Variants in STK32B observed in about 807,000 individuals in gnomAD.
STK32B encodes the protein serine/threonine-protein kinase 32B.
Under a neutral mutation model 52.6 loss-of-function variants are expected in STK32B, and 43 were observed. The ratio of observed to expected loss-of-function variants is 0.82; its 90% CI spans 0.64 to 1.05. STK32B has a LOEUF of 1.05. Among genes scored for constraint, STK32B ranks in the 50% least tolerant of loss-of-function variants. The pLI, the probability that STK32B is intolerant of heterozygous loss-of-function variation, is 0.00. For synonymous variants in STK32B, 238 were observed against 204.3 expected (o/e 1.17, Z -1.41); for missense variants, 621 against 534.6 (o/e 1.16, Z -1.59).
intron 3 of STK32B, among the ~76,000 whole-genome samples, chr4:5,265,215 T>C (rs1726982841): frequency 6.6e-6 from 1 of 152,220 alleles, no homozygotes; most frequent in African/African-American, 2.4e-5. Flanking sequence ...ATCTGGACAA[T>C]GGTGCAAAAC....
chr4:5,459,282 G>GGCCCC (rs1716831935), intron 8 of STK32B, among the ~76,000 whole-genome samples: 1 of 133,046 alleles, frequency 7.5e-6, no homozygotes, highest in African/African-American at 2.9e-5. Flanking sequence ...ACCCTGGTGT[G>GGCCCC]CCCCCCCCCC....
At chr4:5,371,384 C>T (rs1735231251) in intron 4 of STK32B, among the ~76,000 whole-genome samples, 1 of 152,098 alleles carries the variant, frequency 6.6e-6, no homozygotes, top group African/African-American at 2.4e-5. Flanking sequence ...GGGTTTCTTG[C>T]TAAAGTGACT....
intron 3 of STK32B, among the ~76,000 whole-genome samples, chr4:5,196,589 C>T (rs923709427): frequency 5.5e-4 from 84 of 151,750 alleles, no homozygotes; most frequent in African/African-American, 2.0e-3. Flanking sequence ...GGCATGGTGG[C>T]GCACGCCTAT....
Position 5,499,082 on chromosome 4 carries a change from G to C in STK32B, c.1244G>C (p.Ter415SerextTer80). The change falls in exon 12 of 12, where the codon TGA (stop) becomes TCA (serine). Residue 415 changes from the stop codon to serine, a stop_lost. Coordinates refer to ENST00000282908, the MANE Select transcript of STK32B (RefSeq NM_018401.3). ...THTCTRGCSS[*>S] ...ACCTGCACCCGTGGCTGCAGCAGCT[G>C]AGCCCACACTTGTTGCTGCTCAACA... 6.2e-7 allele frequency: 1 copy of C among 1,608,386 alleles called. No individual in the cohort carries two copies.
intron 3 of STK32B, among the ~76,000 whole-genome samples, chr4:5,325,991 A>C (rs1731849358): frequency 6.6e-6 from 1 of 152,188 alleles, no homozygotes; most frequent in Non-Finnish European, 1.5e-5. Flanking sequence ...AAGAATGTGG[A>C]TCTGCAGCAA....
chr4:5,413,268 G>C (rs773790055), intron 5 of STK32B, among the ~76,000 whole-genome samples: 12 of 152,232 alleles, frequency 7.9e-5, no homozygotes, highest in Non-Finnish European at 1.5e-4. Flanking sequence ...TGCATCAGTT[G>C]GGATACTAGC....
intron 3 of STK32B, among the ~76,000 whole-genome samples, chr4:5,208,462 T>C (rs1343452115): frequency 6.6e-6 from 1 of 152,196 alleles, no homozygotes; most frequent in Non-Finnish European, 1.5e-5. Context: ...CAACACTTTG[T>C]AGTTGTTATG....
intron 3 of STK32B, among the ~76,000 whole-genome samples, chr4:5,310,423 C>T (rs529916302): frequency 9.2e-5 from 14 of 152,054 alleles, no homozygotes; most frequent in South Asian, 4.2e-4. Context: ...AAATGGCAAA[C>T]GTATGTGAAA....
chr4:5,239,247 A>C (rs1296036440), intron 3 of STK32B, among the ~76,000 whole-genome samples: 1 of 150,810 alleles, frequency 6.6e-6, no homozygotes, highest in Non-Finnish European at 1.5e-5. Flanking sequence ...GGTTTGAACT[A>C]GCACAGAGAG....
At chr4:5,153,145 C>T (rs756765941) in intron 2 of STK32B, among the ~76,000 whole-genome samples, 21 of 152,204 alleles carry the variant, frequency 1.4e-4, no homozygotes, top group Non-Finnish European at 2.2e-4. Context: ...ATCACAGGCA[C>T]ATCTGCTGGA....
intron 2 of STK32B, among the ~76,000 whole-genome samples, chr4:5,167,891 T>G (rs1220775979): frequency 6.6e-6 from 1 of 151,926 alleles, no homozygotes; most frequent in Non-Finnish European, 1.5e-5. Flanking sequence ...GTGGGAAAGG[T>G]GAGGAGATTC....
Position 5,471,299 on chromosome 4 carries a change from A to C in STK32B, c.1106+3229A>C, listed in dbSNP as rs1416576833. On this transcript the variant is annotated intron_variant, in intron 11 of 11. Transcript: ENST00000282908. ...AGATGTAATGAGTTATGATGAGGTCAGACTGGAGTAGGGTGGGTGCCTAAT... is the reference window on the plus strand; with the variant it reads ...AGATGTAATGAGTTATGATGAGGTCCGACTGGAGTAGGGTGGGTGCCTAAT... Among the ~76,000 whole-genome samples, 8 of 152,182 alleles carry C rather than the reference A, an allele frequency of 5.3e-5. 1 individual carries two copies. Among genetic ancestry groups the C allele is most frequent in the Admixed American group, 5.2e-4 (8 of 15,276 alleles).
At chr4:5,170,708 A>C (rs1166732943) in intron 3 of STK32B, among the ~76,000 whole-genome samples, 1 of 152,102 alleles carries the variant, frequency 6.6e-6, no homozygotes, top group African/African-American at 2.4e-5. Context: ...CCAGTCTATC[A>C]TTGTTGGACA....
chr4:5,263,274 T>C (rs934969707), intron 3 of STK32B, among the ~76,000 whole-genome samples: 14 of 152,314 alleles, frequency 9.2e-5, no homozygotes, highest in African/African-American at 3.4e-4. Flanking sequence ...CCCATATAAT[T>C]CATATGTAGC....
At chr4:5,308,224 G>C (rs1042445565) in intron 3 of STK32B, among the ~76,000 whole-genome samples, 7 of 152,140 alleles carry the variant, frequency 4.6e-5, no homozygotes, top group African/African-American at 1.7e-4. Flanking sequence ...CAGAGTTCTT[G>C]GCTGTCCCAC....
Position 5,460,156 on chromosome 4 carries a change from C to T in STK32B, c.837C>T (p.Ser279=), listed in dbSNP as rs761667770. ...TGTCCAGCCTTCATGACATACAGAG[C>T]GTGCCCTACTTGGCCGACATGAACT... The part of the protein sequence containing the change: ...SRVSSLHDIQ[S]VPYLADMNWD... The change falls in exon 9 of 12, where the codon AGC becomes AGT. Residue 279 remains serine, a synonymous_variant. Coordinates refer to ENST00000282908, the MANE Select transcript of STK32B (RefSeq NM_018401.3). This position sits in a 1 kb window ranked among gnomAD's most constrained non-coding sequence, Gnocchi z 4.8. 1.5e-5 allele frequency: 24 copies of T among 1,614,052 alleles called. No homozygotes were observed. In the Admixed American group the frequency reaches 1.5e-4, roughly 10 times the overall value.
At chr4:5,487,233 A>C (rs1054320558) in intron 11 of STK32B, among the ~76,000 whole-genome samples, 1 of 152,192 alleles carries the variant, frequency 6.6e-6, no homozygotes, top group Non-Finnish European at 1.5e-5. Flanking sequence ...AAAGGCCAGA[A>C]GGAAAAATCT....
chr4:5,105,263 A>G (rs1486801430), intron 1 of STK32B, among the ~76,000 whole-genome samples: 1 of 152,202 alleles, frequency 6.6e-6, no homozygotes, highest in East Asian at 1.9e-4. Flanking sequence ...TGAGGCCAGA[A>G]GTTCAATACT....
intron 9 of STK32B, among the ~76,000 whole-genome samples, chr4:5,465,754 C>G (rs1032160018): frequency 1.3e-5 from 2 of 152,214 alleles, no homozygotes; most frequent in African/African-American, 4.8e-5. Flanking sequence ...GGCCCAGTGG[C>G]AAGGCTGGCT....
Sources: allele counts gnomAD v4.1 joint callset (sites outside exome capture counted in the v4.1 genomes callset), GRCh38; gene constraint gnomAD v4.1.1; non-coding constraint Gnocchi (gnomAD v3.1); transcripts MANE v1.5; gene names NCBI Gene and HGNC (gene_info 2026-07-23, HGNC 2026-07-21).